Variants in GNG12 observed in about 807,000 individuals in gnomAD.
The protein encoded by GNG12 is guanine nucleotide-binding protein G(I)/G(S)/G(O) subunit gamma-12.
For missense variants in GNG12, 69 were observed against 83.8 expected (o/e 0.82, Z 0.69); for synonymous variants, 28 against 29.7 (o/e 0.94, Z 0.19).
At chr1:67,738,672 T>A (rs1646465596) in intron 2 of GNG12, among the ~76,000 whole-genome samples, 1 of 152,006 alleles carries the variant, frequency 6.6e-6, no homozygotes, top group African/African-American at 2.4e-5. Flanking sequence ...AGACCAGGAG[T>A]TTGAGACATG....
At chr1:67,760,893 A>C (rs1352654099) in intron 2 of GNG12, among the ~76,000 whole-genome samples, 1 of 152,196 alleles carries the variant, frequency 6.6e-6, no homozygotes, top group African/African-American at 2.4e-5. Context: ...CTGCTTCAAG[A>C]GTTTCATGTA....
chr1:67,811,344 G>A (rs17533700), intron 1 of GNG12, among the ~76,000 whole-genome samples: 12,533 of 152,120 alleles, frequency 0.082, 668 homozygotes, highest in Non-Finnish European at 0.099. Context: ...CTGGGGCAGG[G>A]AAATGCTCTT....
chr1:67,805,277 T>A (rs1021369689), intron 1 of GNG12, among the ~76,000 whole-genome samples: 1 of 152,206 alleles, frequency 6.6e-6, no homozygotes, highest in East Asian at 1.9e-4. Context: ...TGGGACATCA[T>A]GTCTGCCTTT....
At chr1:67,759,394 T>C (rs1260063522) in intron 2 of GNG12, among the ~76,000 whole-genome samples, 1 of 152,136 alleles carries the variant, frequency 6.6e-6, no homozygotes, top group African/African-American at 2.4e-5. Context: ...CAAAGTACTG[T>C]GGGAGACAAT....
intron 2 of GNG12, among the ~76,000 whole-genome samples, chr1:67,774,495 G>A (rs373513584): frequency 6.6e-6 from 1 of 152,214 alleles, no homozygotes; most frequent in African/African-American, 2.4e-5. Context: ...CTGCCATGCA[G>A]TGGCAGCCAC....
intron 2 of GNG12, among the ~76,000 whole-genome samples, chr1:67,755,953 G>C (rs1221060662): frequency 6.6e-6 from 1 of 151,968 alleles, no homozygotes; most frequent in Non-Finnish European, 1.5e-5. Flanking sequence ...AGCAGAACTA[G>C]GCTTTGTACA....
At chr1:67,818,046 C>A (rs1326067689) in intron 1 of GNG12, among the ~76,000 whole-genome samples, 1 of 152,262 alleles carries the variant, frequency 6.6e-6, no homozygotes, top group Non-Finnish European at 1.5e-5. Flanking sequence ...CTCAGCCTCC[C>A]AAAGTGCTGG....
At chr1:67,789,073 A>G (rs1447497313) in intron 1 of GNG12, among the ~76,000 whole-genome samples, 1 of 152,224 alleles carries the variant, frequency 6.6e-6, no homozygotes, top group Non-Finnish European at 1.5e-5. Flanking sequence ...AGGAAGGAAA[A>G]GCTCTTCAAG....
chr1:67,817,739 CTGGTGTT>C lies in GNG12; in HGVS notation c.-77+15598_-77+15604del, dbSNP rs199515454. Among the ~76,000 whole-genome samples, 1,045 of 149,802 alleles carry C rather than the reference CTGGTGTT, an allele frequency of 7.0e-3. 10 individuals carry two copies. The highest frequency in any genetic ancestry group is 0.024 in the African/African-American group (990 of 40,732). ...TTAGTAAACAGTTGGTGTTTGGTGT[CTGGTGTT>C]TAATAAATGTTAATAAATGTTTTCT... is the stretch of plus-strand genomic sequence containing the variant. On this transcript the variant is annotated intron_variant, in intron 1 of 3. Coordinates refer to ENST00000370982, the MANE Select transcript of GNG12 (RefSeq NM_018841.6).
intron 1 of GNG12, among the ~76,000 whole-genome samples, chr1:67,782,433 C>A (rs1037372116): frequency 2.3e-4 from 35 of 152,148 alleles, no homozygotes; most frequent in Non-Finnish European, 1.6e-4. Context: ...CCTATTTTAA[C>A]CAAATGGTAC....
chr1:67,711,563 C>T (rs1426607433), intron 2 of GNG12, among the ~76,000 whole-genome samples: 1 of 152,074 alleles, frequency 6.6e-6, no homozygotes, highest in African/African-American at 2.4e-5. Flanking sequence ...TTCACAGCAG[C>T]CCTCGGAAGA....
chr1:67,705,394 G>A lies in GNG12; in HGVS notation c.*57C>T. 1 of 1,595,286 alleles carries A rather than the reference G, an allele frequency of 6.3e-7. No homozygotes were observed. The highest frequency in any genetic ancestry group is 8.5e-7 in the Non-Finnish European group (1 of 1,172,094). ...ATAAGCTGAAGGTAAATCTCTTCAA[G>A]GAGCTGCTCATAATTTGCGTTGTTG... is the stretch of plus-strand genomic sequence containing the variant. On this transcript the variant is annotated 3_prime_UTR_variant, in exon 4 of 4. Transcript: ENST00000370982.
intron 1 of GNG12, among the ~76,000 whole-genome samples, chr1:67,818,235 T>C (rs1391905004): frequency 6.6e-6 from 1 of 152,208 alleles, no homozygotes; most frequent in African/African-American, 2.4e-5. Flanking sequence ...AGTCTTGTAC[T>C]TATTACAGGT....
chr1:67,813,346 T>C (rs1646936728), intron 1 of GNG12, among the ~76,000 whole-genome samples: 1 of 152,202 alleles, frequency 6.6e-6, no homozygotes, highest in East Asian at 1.9e-4. Context: ...TACACCTACA[T>C]GATAAATCTG....
chr1:67,801,708 C>G (rs1212777662), intron 1 of GNG12, among the ~76,000 whole-genome samples: 1 of 152,114 alleles, frequency 6.6e-6, no homozygotes, highest in Non-Finnish European at 1.5e-5. Flanking sequence ...TCAGACCTCA[C>G]AGGTTTCCCC....
intron 2 of GNG12, among the ~76,000 whole-genome samples, chr1:67,736,817 A>T (rs1368279084): frequency 1.3e-5 from 2 of 152,114 alleles, no homozygotes; most frequent in African/African-American, 4.8e-5. Context: ...GGTCATTTCT[A>T]ATCTGCTTCA....
intron 1 of GNG12, among the ~76,000 whole-genome samples, chr1:67,783,369 A>T (rs1157848386): frequency 6.6e-6 from 1 of 152,204 alleles, no homozygotes; most frequent in Non-Finnish European, 1.5e-5. Flanking sequence ...CCTAACGGTG[A>T]AATTACTGGT....
intron 1 of GNG12, among the ~76,000 whole-genome samples, chr1:67,801,810 A>G (rs938160953): frequency 6.6e-6 from 1 of 152,210 alleles, no homozygotes; most frequent in African/African-American, 2.4e-5. Context: ...ATAATAATCT[A>G]TAATTTCATA....
intron 1 of GNG12, among the ~76,000 whole-genome samples, chr1:67,787,623 C>A (rs941138383): frequency 2.0e-5 from 3 of 152,064 alleles, no homozygotes; most frequent in African/African-American, 7.2e-5. Flanking sequence ...AGAGAGAGGG[C>A]AAGAAGATAA....
Sources: gnomAD v4.1 joint callset for allele counts (sites outside exome capture counted in the v4.1 genomes callset) on GRCh38, gnomAD v4.1.1 for gene constraint, MANE v1.5 for transcripts, NCBI Gene and HGNC (gene_info 2026-07-23, HGNC 2026-07-21) for gene names.